The following MAFF variants were observed in gnomAD, a reference collection of about 807,000 sequenced individuals.
MAFF encodes the protein transcription factor MafF.
A neutral mutation model predicts 2.7 loss-of-function variants in MAFF; 4 were observed. The observed-to-expected ratio is 1.48, with a 90% confidence interval of 0.73 to 3.39. MAFF has a LOEUF of 3.39. MAFF is among the 30% of genes most tolerant of loss of function. The pLI is 0.01. For synonymous variants in MAFF, 113 were observed against 119.4 expected (o/e 0.95, Z 0.35); for missense variants, 190 against 246.6 (o/e 0.77, Z 1.54).
Position 38,202,657 on chromosome 22 carries a change from C to T in MAFF, c.-32+445C>T. On this transcript the variant is annotated intron_variant, in intron 1 of 2. Transcript: ENST00000338483. The surrounding 1 kb of genome is among the most constrained non-coding windows in gnomAD (Gnocchi z 7.4). ...GGCGGCCTGGGTATCCTGCCCGGTG[C>T]GTGCGTGCGCTGTGTACCTCGGGGG... is the stretch of plus-strand genomic sequence containing the variant. 6.5e-6 allele frequency: 1 copy of T among 153,034 alleles called. No homozygotes were observed. The highest frequency in any genetic ancestry group is 1.5e-5 in the Non-Finnish European group (1 of 68,898). 9.5% of individuals were successfully genotyped at this position (153,034 alleles called of 1,614,324 possible).
chr22:38,213,491 G>A, intron 1 of MAFF: 3 of 388,124 alleles, frequency 7.7e-6, no homozygotes, highest in South Asian at 5.8e-5. Flanking sequence ...CTGTTACAAG[G>A]GTTAATAGGC....
At chr22:38,211,329 C>A (rs561409050) in intron 1 of MAFF, among the ~76,000 whole-genome samples, 2 of 151,662 alleles carry the variant, frequency 1.3e-5, no homozygotes, top group Non-Finnish European at 1.5e-5. Context: ...CGGGTTCAAG[C>A]GATTCTTTTG....
chr22:38,212,943 C>T (rs954875570), intron 1 of MAFF, among the ~76,000 whole-genome samples: 9 of 152,136 alleles, frequency 5.9e-5, no homozygotes, highest in African/African-American at 1.7e-4. Flanking sequence ...GGGTGGATCA[C>T]CTGAGGTCAG....
chr22:38,215,760 C>T lies in MAFF; in HGVS notation c.*882C>T, dbSNP rs1317975522. On this transcript the variant is annotated 3_prime_UTR_variant, in exon 3 of 3. Coordinates refer to ENST00000338483, the MANE Select transcript of MAFF (RefSeq NM_012323.4). ...AGACAAGGAGACAGACCCTGCAGTC[C>T]TACTACAGTCTGGAGTGGGGTCCTA... 1.2e-5 allele frequency: 2 copies of T among 167,138 alleles called. No individual in the cohort carries two copies. Among genetic ancestry groups the T allele is most frequent in the African/African-American group, 4.8e-5 (2 of 41,454 alleles). The allele number at this position is 167,138 out of a possible 1,614,324, so 10.4% of individuals were successfully genotyped here.
chr22:38,214,492 C>T lies in MAFF; in HGVS notation c.109C>T (p.Leu37=). 1 of 1,610,324 alleles carries T rather than the reference C, an allele frequency of 6.2e-7. No homozygotes were observed. Among genetic ancestry groups the T allele is most frequent in the Non-Finnish European group, 8.5e-7 (1 of 1,179,450 alleles). The part of the protein sequence containing the change: ...EALMGLSVRE[L]NRHLRGLSAE... ...GCTGATGGGGCTGTCGGTGCGCGAG[C>T]TGAACCGGCATCTGCGCGGGCTCTC... Residue 37 remains leucine, a synonymous_variant, in exon 3 of 3, where the codon CTG becomes TTG. Coordinates refer to ENST00000338483, the MANE Select transcript of MAFF (RefSeq NM_012323.4). This position sits in a 1 kb window ranked among gnomAD's most constrained non-coding sequence, Gnocchi z 6.3.
intron 1 of MAFF, among the ~76,000 whole-genome samples, chr22:38,204,521 G>T (rs1242494780): frequency 6.6e-6 from 1 of 152,116 alleles, no homozygotes; most frequent in Non-Finnish European, 1.5e-5. Flanking sequence ...GAATGAATGA[G>T]CCCTGGATCC....
chr22:38,210,025 A>C (rs2091086103), intron 1 of MAFF, among the ~76,000 whole-genome samples: 1 of 152,018 alleles, frequency 6.6e-6, no homozygotes. Flanking sequence ...TAGGATTTGG[A>C]GTGCTAGGCA....
chr22:38,202,382 G>T lies in MAFF; in HGVS notation c.-32+170G>T, dbSNP rs1051324915. ...AGAAGGGAGCGGCCGTCCCGGGGAC[G>T]CCGAGGACGGGGCCGAGGCCAGCTC... On this transcript the variant is annotated intron_variant, in intron 1 of 2. Coordinates refer to ENST00000338483, the MANE Select transcript of MAFF (RefSeq NM_012323.4). This position sits in a 1 kb window ranked among gnomAD's most constrained non-coding sequence, Gnocchi z 7.4. 2 of 151,986 alleles carry T rather than the reference G, an allele frequency of 1.3e-5. No individual in the cohort carries two copies. The highest frequency in any genetic ancestry group is 6.5e-5 in the Admixed American group (1 of 15,272). 9.4% of individuals were successfully genotyped at this position (151,986 alleles called of 1,614,324 possible). A position where few individuals can be genotyped will look rare whatever the true frequency, so the allele number is the denominator to read the frequency against.
chr22:38,212,378 G>A (rs1246222710), intron 1 of MAFF, among the ~76,000 whole-genome samples: 1 of 152,166 alleles, frequency 6.6e-6, no homozygotes, highest in East Asian at 1.9e-4. Context: ...AGGTTCTCAT[G>A]GCGGAGAACC....
intron 1 of MAFF, among the ~76,000 whole-genome samples, chr22:38,212,842 T>C (rs909296441): frequency 6.6e-6 from 1 of 152,156 alleles, no homozygotes; most frequent in African/African-American, 2.4e-5. Context: ...GTGTGTACTT[T>C]TCTGTATGTA....
At position 38,216,332 on chromosome 22, in the gene MAFF, A is replaced by G; in HGVS notation, c.*1454A>G. On this transcript the variant is annotated 3_prime_UTR_variant, in exon 3 of 3. Transcript: ENST00000338483. ...AGAGGTTGTAGTGAGCTGAGATCGC[A>G]CCACTGCACTCCAGCCTGGGCAACA... 1 of 161,942 alleles carries G rather than the reference A, an allele frequency of 6.2e-6. No homozygotes were observed. 10.0% of individuals were successfully genotyped at this position (161,942 alleles called of 1,614,324 possible).
At chr22:38,204,446 C>T (rs1418681635) in intron 1 of MAFF, among the ~76,000 whole-genome samples, 1 of 152,174 alleles carries the variant, frequency 6.6e-6, no homozygotes, top group African/African-American at 2.4e-5. Flanking sequence ...TGATTCACTT[C>T]AGGGTCTCCA....
intron 1 of MAFF, among the ~76,000 whole-genome samples, chr22:38,210,438 C>A (rs1008856866): frequency 6.6e-6 from 1 of 152,100 alleles, no homozygotes; most frequent in African/African-American, 2.4e-5. Context: ...TGAGTATCTG[C>A]GAGGTGCCAG....
At chr22:38,211,040 G>A (rs549784238) in intron 1 of MAFF, among the ~76,000 whole-genome samples, 4 of 151,998 alleles carry the variant, frequency 2.6e-5, no homozygotes, top group South Asian at 4.2e-4. Flanking sequence ...AGCCTGTAAC[G>A]GAGTGAGTGA....
At chr22:38,213,365 G>A (rs374106603) in intron 1 of MAFF, among the ~76,000 whole-genome samples, 1 of 152,124 alleles carries the variant, frequency 6.6e-6, no homozygotes, top group Admixed American at 6.6e-5. Flanking sequence ...TATTGATGCC[G>A]TGGTGAGACA....
chr22:38,205,875 C>T (rs953449810), intron 1 of MAFF, among the ~76,000 whole-genome samples: 24 of 152,214 alleles, frequency 1.6e-4, no homozygotes, highest in African/African-American at 5.3e-4. Context: ...GGGTTGGCAG[C>T]GGAAAGCCTG....
chr22:38,214,956 G>A lies in MAFF; in HGVS notation c.*78G>A, dbSNP rs1569000818. 3 of 1,085,600 alleles carry A rather than the reference G, an allele frequency of 2.8e-6. No homozygotes were observed. Among genetic ancestry groups the A allele is most frequent in the South Asian group, 1.4e-5 (1 of 72,590 alleles). The allele number at this position is 1,085,600 out of a possible 1,614,324, so 67.2% of individuals were successfully genotyped here. A position where few individuals can be genotyped will look rare whatever the true frequency, so the allele number is the denominator to read the frequency against. ...CAAAGTGCCTGAGCGCCGCCTCTGT[G>A]CCCAGGTCCCATTTCTCTGCAGCAC... On this transcript the variant is annotated 3_prime_UTR_variant, in exon 3 of 3. Transcript: ENST00000338483. This position sits in a 1 kb window ranked among gnomAD's most constrained non-coding sequence, Gnocchi z 6.3.
At position 38,202,919 on chromosome 22, in the gene MAFF, G is replaced by C. The variant is rs1363794338; in HGVS notation, c.-32+707G>C. ...GGCTGTCCGTCCCCGGCTCTCCCCGGAGTTTCCCAGGGCCTCCGCCACGTG... is the reference window on the plus strand; with the variant it reads ...GGCTGTCCGTCCCCGGCTCTCCCCGCAGTTTCCCAGGGCCTCCGCCACGTG... On this transcript the variant is annotated intron_variant, in intron 1 of 2. Coordinates refer to ENST00000338483, the MANE Select transcript of MAFF (RefSeq NM_012323.4). This position sits in a 1 kb window ranked among gnomAD's most constrained non-coding sequence, Gnocchi z 7.4. 2 of 152,202 alleles carry C rather than the reference G, an allele frequency of 1.3e-5. No individual in the cohort carries two copies. The highest frequency in any genetic ancestry group is 2.4e-5 in the African/African-American group (1 of 41,418). 9.4% of individuals were successfully genotyped at this position (152,202 alleles called of 1,614,324 possible).
rs1186273385 is a variant in MAFF at position 38,214,494 on chromosome 22, G to A, written c.111G>A (p.Leu37=). Residue 37 remains leucine, a synonymous_variant, in exon 3 of 3, where the codon CTG becomes CTA. Coordinates refer to ENST00000338483, the MANE Select transcript of MAFF (RefSeq NM_012323.4). The surrounding 1 kb of genome is among the most constrained non-coding windows in gnomAD (Gnocchi z 6.3). ...TGATGGGGCTGTCGGTGCGCGAGCT[G>A]AACCGGCATCTGCGCGGGCTCTCCG... ...EALMGLSVRE[L]NRHLRGLSAE... is the part of the protein sequence containing the mutation. The A allele has an allele frequency of 6.2e-7, 1 of 1,610,506 alleles. No homozygotes were observed. The highest frequency in any genetic ancestry group is 8.5e-7 in the Non-Finnish European group (1 of 1,179,626).
Sources: gnomAD v4.1 joint callset for allele counts (sites outside exome capture counted in the v4.1 genomes callset) on GRCh38, gnomAD v4.1.1 for gene constraint, Gnocchi (gnomAD v3.1) non-coding constraint, MANE v1.5 for transcripts, NCBI Gene and HGNC (gene_info 2026-07-23, HGNC 2026-07-21) for gene names.